CDH18: variants seen among roughly 807,000 people sequenced by gnomAD.
The protein encoded by CDH18 is cadherin 18.
Under a neutral mutation model 67.9 loss-of-function variants are expected in CDH18, and 31 were observed. That is an observed-to-expected ratio of 0.46 (90% confidence interval 0.34 to 0.62). The LOEUF is 0.62. CDH18 is among the 20% of genes least tolerant of loss of function. The pLI is 0.01. For missense variants in CDH18, 890 were observed against 975.5 expected, an observed-to-expected ratio of 0.91 and a Z score of 1.17; for synonymous variants, 362 against 347.2, an observed-to-expected ratio of 1.04 and a Z score of -0.48.
chr5:19,551,451 CT>C (rs1185885672), intron 8 of CDH18, among the ~76,000 whole-genome samples: 1 of 152,134 alleles, frequency 6.6e-6, no homozygotes, highest in Non-Finnish European at 1.5e-5. Context: ...TTAATCACAG[CT>C]GTATCACTTA....
intron 2 of CDH18, among the ~76,000 whole-genome samples, chr5:19,877,335 TGAATTTTAAA>T (rs1787133492): frequency 6.6e-6 from 1 of 152,192 alleles, no homozygotes; most frequent in African/African-American, 2.4e-5. Context: ...CAGTATGCTT[TGAATTTTAAA>T]TGTGGGTATG....
chr5:19,520,893 C>T lies in CDH18; in HGVS notation c.1391-115G>A, dbSNP rs1347169690. On this transcript the variant is annotated intron_variant, in intron 9 of 12. Transcript: ENST00000382275. ...ACTGGTTCCATATGCCATAGCTGGA[C>T]TTTTGGCAAACGACAACTTTATGAA... The T allele has an allele frequency of 6.1e-6, 7 of 1,154,548 alleles. No homozygotes were observed. In the East Asian group the frequency reaches 1.9e-4, roughly 31 times the overall value. The allele number at this position is 1,154,548 out of a possible 1,614,324, so 71.5% of individuals were successfully genotyped here. A position where few individuals can be genotyped will look rare whatever the true frequency, so the allele number is the denominator to read the frequency against.
intron 8 of CDH18, among the ~76,000 whole-genome samples, chr5:19,546,337 G>C (rs1736310239): frequency 6.6e-6 from 1 of 152,158 alleles, no homozygotes; most frequent in South Asian, 2.1e-4. Context: ...CATCAGAAAA[G>C]TGGGTTCAAC....
At chr5:20,025,795 TATCA>T (rs1467854153) in intron 2 of CDH18, among the ~76,000 whole-genome samples, 1 of 152,228 alleles carries the variant, frequency 6.6e-6, no homozygotes, top group African/African-American at 2.4e-5. Flanking sequence ...AATTCAAAAT[TATCA>T]GTGTTCAAGA....
intron 3 of CDH18, among the ~76,000 whole-genome samples, chr5:19,775,439 G>A (rs1259595408): frequency 6.6e-6 from 1 of 152,120 alleles, no homozygotes; most frequent in Non-Finnish European, 1.5e-5. Context: ...CTGTGGATGC[G>A]GAATCTGCTT....
chr5:20,001,196 A>G (rs1736410771), intron 2 of CDH18, among the ~76,000 whole-genome samples: 1 of 152,208 alleles, frequency 6.6e-6, no homozygotes, highest in Admixed American at 6.5e-5. Context: ...GCTATGCTTT[A>G]CCATTTCCTT....
At chr5:20,149,060 G>A (rs900851145) in intron 2 of CDH18, among the ~76,000 whole-genome samples, 2 of 152,108 alleles carry the variant, frequency 1.3e-5, no homozygotes, top group African/African-American at 2.4e-5. Flanking sequence ...AGGAATATTG[G>A]TAGCTGATCA....
intron 1 of CDH18, among the ~76,000 whole-genome samples, chr5:20,324,165 T>A (rs1268004711): frequency 6.6e-6 from 1 of 152,230 alleles, no homozygotes; most frequent in Non-Finnish European, 1.5e-5. Flanking sequence ...CTGGATCAGT[T>A]CAAATCAGTG....
At chr5:20,538,915 T>TTTTC (rs1756891550) in intron 1 of CDH18, among the ~76,000 whole-genome samples, 1 of 143,396 alleles carries the variant, frequency 7.0e-6, no homozygotes, top group African/African-American at 2.5e-5. Context: ...TTTTGTTTTT[T>TTTTC]TTTTTTTTTG....
At chr5:19,801,512 T>C (rs1446897539) in intron 3 of CDH18, among the ~76,000 whole-genome samples, 1 of 152,204 alleles carries the variant, frequency 6.6e-6, no homozygotes, top group East Asian at 1.9e-4. Context: ...TATTTTCAGA[T>C]TGGCTTACTT....
chr5:20,021,220 T>G (rs1208057135), intron 2 of CDH18, among the ~76,000 whole-genome samples: 1 of 152,146 alleles, frequency 6.6e-6, no homozygotes, highest in South Asian at 2.1e-4. Context: ...AGTAACAAAT[T>G]TATTTTTAAT....
At chr5:20,231,382 G>T (rs185953197) in intron 2 of CDH18, among the ~76,000 whole-genome samples, 4 of 152,160 alleles carry the variant, frequency 2.6e-5, no homozygotes, top group Admixed American at 6.5e-5. Context: ...GGCTGAGGAG[G>T]GCAGATCACC....
chr5:19,624,562 T>C (rs9292702), intron 5 of CDH18, among the ~76,000 whole-genome samples: 5,687 of 152,212 alleles, frequency 0.037, 305 homozygotes, highest in African/African-American at 0.12. Context: ...AGTCCAGAAT[T>C]GGGCCAAAGT....
At chr5:19,811,228 GA>G (rs1327485408) in intron 3 of CDH18, among the ~76,000 whole-genome samples, 1 of 151,790 alleles carries the variant, frequency 6.6e-6, no homozygotes, top group Non-Finnish European at 1.5e-5. Flanking sequence ...AGAAAAGAAA[GA>G]GATAAAGAAA....
intron 2 of CDH18, among the ~76,000 whole-genome samples, chr5:20,144,809 A>AT (rs1468980032): frequency 1.3e-5 from 2 of 152,174 alleles, no homozygotes; most frequent in East Asian, 3.9e-4. Context: ...AGTGATTAGC[A>AT]TAGACTCCAA....
At chr5:19,853,911 C>T (rs1783991715) in intron 2 of CDH18, among the ~76,000 whole-genome samples, 1 of 152,002 alleles carries the variant, frequency 6.6e-6, no homozygotes, top group Non-Finnish European at 1.5e-5. Flanking sequence ...CTTTTTTAGC[C>T]TATGAAATCA....
At chr5:20,456,975 T>C (rs1026167780) in intron 1 of CDH18, among the ~76,000 whole-genome samples, 7 of 152,214 alleles carry the variant, frequency 4.6e-5, no homozygotes, top group African/African-American at 1.7e-4. Flanking sequence ...CACACAATTA[T>C]GTGTACATGT....
chr5:19,698,007 T>C (rs533973055), intron 5 of CDH18, among the ~76,000 whole-genome samples: 28 of 152,338 alleles, frequency 1.8e-4, no homozygotes, highest in African/African-American at 6.7e-4. Flanking sequence ...CAAGTGAGGC[T>C]ACTTTTAAAT....
intron 7 of CDH18, among the ~76,000 whole-genome samples, chr5:19,578,148 A>T (rs542244333): frequency 6.6e-6 from 1 of 152,304 alleles, no homozygotes; most frequent in East Asian, 1.9e-4. Flanking sequence ...TGGTTTCTCG[A>T]GTTCCTCAGT....
Sources: gnomAD v4.1 joint callset for allele counts (sites outside exome capture counted in the v4.1 genomes callset) on GRCh38, gnomAD v4.1.1 for gene constraint, MANE v1.5 for transcripts, NCBI Gene and HGNC (gene_info 2026-07-23, HGNC 2026-07-21) for gene names.